The following DYSF variants were observed in gnomAD, a reference collection of about 807,000 sequenced individuals.
DYSF encodes dysferlin.
A neutral mutation model predicts 274.9 loss-of-function variants in DYSF; 212 were observed. The ratio of observed to expected loss-of-function variants is 0.77; its 90% CI spans 0.69 to 0.86. DYSF has a LOEUF of 0.86. Ranked by LOEUF, DYSF falls within the 40% of genes least tolerant of loss-of-function variation. The pLI is 0.00. For synonymous variants in DYSF, 1,091 were observed against 1,078.7 expected (o/e 1.01, Z -0.22); for missense variants, 2,666 against 2,783.2 (o/e 0.96, Z 0.95).
At chr2:71,645,743 A>T (rs2094558148) in intron 42 of DYSF, among the ~76,000 whole-genome samples, 1 of 152,058 alleles carries the variant, frequency 6.6e-6, no homozygotes, top group Non-Finnish European at 1.5e-5. Context: ...TTTATTTGAA[A>T]TTCAGATTTA....
chr2:71,454,203 C>T, intron 1 of DYSF: 1 of 1,031,720 alleles, frequency 9.7e-7, no homozygotes, highest in South Asian at 1.4e-5. Context: ...CTGGCCCCGC[C>T]AGACTGACGT....
At chr2:71,549,809 A>G (rs181703727) in intron 17 of DYSF, among the ~76,000 whole-genome samples, 89 of 152,276 alleles carry the variant, frequency 5.8e-4, no homozygotes, top group Admixed American at 8.5e-4. Context: ...CATAATTGAG[A>G]TGATTAACGC....
chr2:71,662,532 GTGTC>G (rs1368560465), intron 45 of DYSF, among the ~76,000 whole-genome samples: 4 of 150,478 alleles, frequency 2.7e-5, no homozygotes, highest in South Asian at 2.2e-4. Context: ...CTGTGTTCGT[GTGTC>G]TGTGTGGTGT....
intron 38 of DYSF, 97 bp downstream of exon 38, chr2:71,611,723 G>T (rs991429908): frequency 1.4e-6 from 2 of 1,449,634 alleles, no homozygotes; most frequent in East Asian, 4.9e-5. Context: ...AATTCCCTGC[G>T]GGATCCAGGG....
At chr2:71,504,681 G>A (rs2085314315) in intron 4 of DYSF, among the ~76,000 whole-genome samples, 1 of 152,210 alleles carries the variant, frequency 6.6e-6, no homozygotes, top group Admixed American at 6.5e-5. Flanking sequence ...CTTCCTTGCT[G>A]GGACACCAGC....
chr2:71,530,042 G>A (rs2088486912), intron 14 of DYSF, among the ~76,000 whole-genome samples: 1 of 152,228 alleles, frequency 6.6e-6, no homozygotes, highest in Admixed American at 6.5e-5. Flanking sequence ...GGGATGTAAT[G>A]CAGATTTTAA....
chr2:71,491,737 A>G (rs1157638791), intron 3 of DYSF, among the ~76,000 whole-genome samples: 1 of 152,228 alleles, frequency 6.6e-6, no homozygotes, highest in Non-Finnish European at 1.5e-5. Context: ...TGCAAAGGAC[A>G]TGATCTCATT....
chr2:71,566,353 CAAAAAAAAA>C (rs773800974), intron 24 of DYSF, among the ~76,000 whole-genome samples: 1 of 49,802 alleles, frequency 2.0e-5, no homozygotes, highest in Non-Finnish European at 3.8e-5. Context: ...TGGTTTCAAG[CAAAAAAAAA>C]AAAAAAAAAA....
chr2:71,536,500 C>T (rs995578352), intron 16 of DYSF, among the ~76,000 whole-genome samples: 1 of 152,216 alleles, frequency 6.6e-6, no homozygotes, highest in Non-Finnish European at 1.5e-5. Context: ...TCTTCATCTC[C>T]GCTCTCCATG....
At chr2:71,539,330 C>A in intron 17 of DYSF, 91 bp downstream of exon 17, 2 of 1,172,180 alleles carry the variant, frequency 1.7e-6, no homozygotes, top group East Asian at 2.4e-5. Flanking sequence ...TGAGAGTTTG[C>A]AGAAAAGGGG....
chr2:71,553,753 T>TTCCCCCCCCCCCCC, intron 20 of DYSF, 54 bp from the exon 21 acceptor site: 3 of 567,522 alleles, frequency 5.3e-6, no homozygotes, highest in South Asian at 1.6e-5. Context: ...TAGCACCCCA[T>TTCCCCCCCCCCCCC]CCCACCCGCC....
At chr2:71,489,863 G>A (rs973097564) in intron 3 of DYSF, among the ~76,000 whole-genome samples, 2 of 152,342 alleles carry the variant, frequency 1.3e-5, no homozygotes, top group South Asian at 2.1e-4. Flanking sequence ...TCCTGGCACT[G>A]TCTGTAACCT....
At chr2:71,469,072 T>C (rs77746765) in intron 1 of DYSF, among the ~76,000 whole-genome samples, 1 of 152,248 alleles carries the variant, frequency 6.6e-6, no homozygotes, top group African/African-American at 2.4e-5. Flanking sequence ...ATGCAGCAGG[T>C]CTGGAAGGTG....
chr2:71,494,115 T>C (rs936913940), intron 3 of DYSF, among the ~76,000 whole-genome samples: 1 of 152,256 alleles, frequency 6.6e-6, no homozygotes, highest in Admixed American at 6.5e-5. Flanking sequence ...TTATCAGGCA[T>C]ACAAGCATGA....
Position 71,564,207 on chromosome 2 carries a change from T to C in DYSF, c.2559T>C (p.Phe853=). The C allele has an allele frequency of 6.2e-7, 1 of 1,614,266 alleles. No homozygotes were observed. The highest frequency in any genetic ancestry group is 8.5e-7 in the Non-Finnish European group (1 of 1,180,048). The change falls in exon 24 of 56, where the codon TTT becomes TTC. Residue 853 remains phenylalanine (F), a synonymous_variant. Transcript: ENST00000410020. ...ATTGTGGGAAGCTACAGACAATCTT[T>C]CTGAAAGTGAGTTTTCTTTTTTCCC... The part of the protein sequence containing the change: ...GKNCGKLQTI[F]LKYPMEKVPG...
chr2:71,528,194 CT>C, intron 13 of DYSF, 103 bp from the exon 14 acceptor site: 5 of 1,038,870 alleles, frequency 4.8e-6, no homozygotes, highest in Non-Finnish European at 7.4e-6. Flanking sequence ...GCCAAAGCTT[CT>C]TGCTCAGGTA....
At chr2:71,553,266 T>C (rs1044324053) in intron 20 of DYSF, 78 bp downstream of exon 20, 38 of 1,599,080 alleles carry the variant, frequency 2.4e-5, no homozygotes, top group Non-Finnish European at 3.0e-5. Flanking sequence ...CCGCCTCCCA[T>C]GGAAAGCTGC....
At chr2:71,659,408 A>G (rs1056021025) in intron 44 of DYSF, among the ~76,000 whole-genome samples, 1 of 152,220 alleles carries the variant, frequency 6.6e-6, no homozygotes, top group Non-Finnish European at 1.5e-5. Flanking sequence ...TAAAGCAGAA[A>G]GATAAGTAAG....
intron 40 of DYSF, among the ~76,000 whole-genome samples, chr2:71,617,944 A>G (rs1249263528): frequency 1.1e-5 from 1 of 91,638 alleles, no homozygotes; most frequent in Non-Finnish European, 2.1e-5. Flanking sequence ...TGTGTGTGGT[A>G]GAGGTGGTGT....
Sources: allele counts gnomAD v4.1 joint callset (sites outside exome capture counted in the v4.1 genomes callset), GRCh38; gene constraint gnomAD v4.1.1; transcripts MANE v1.5; gene names NCBI Gene and HGNC (gene_info 2026-07-23, HGNC 2026-07-21).